Variants in MACROD2 observed in about 807,000 individuals in gnomAD.
MACROD2 encodes mono-ADP ribosylhydrolase 2.
MACROD2 carries 36 observed loss-of-function variants against 70.4 expected under a neutral mutation model. The ratio of observed to expected loss-of-function variants is 0.51; its 90% CI spans 0.39 to 0.68. The LOEUF (loss-of-function observed/expected upper bound fraction) is 0.68, where lower values mean the gene tolerates loss of function less well. Among genes scored for constraint, MACROD2 ranks in the 30% least tolerant of loss-of-function variants. The probability of loss-of-function intolerance (pLI) is 0.00; values close to 1 mark genes in which losing one functional copy is unlikely to be tolerated. For missense variants in MACROD2, 496 were observed against 538.4 expected, an observed-to-expected ratio of 0.92 and a Z score of 0.78; for synonymous variants, 172 against 178.8, an observed-to-expected ratio of 0.96 and a Z score of 0.30.
At chr20:14,548,953 T>C (rs1010415789) in intron 4 of MACROD2, among the ~76,000 whole-genome samples, 2 of 152,140 alleles carry the variant, frequency 1.3e-5, no homozygotes, top group African/African-American at 4.8e-5. Flanking sequence ...ACCTGAAGGG[T>C]GAGAGCACTG....
chr20:15,728,170 TG>T (rs1423449095), intron 8 of MACROD2, among the ~76,000 whole-genome samples: 1 of 152,200 alleles, frequency 6.6e-6, no homozygotes, highest in Admixed American at 6.5e-5. Flanking sequence ...ATGTGGTTTT[TG>T]TTTTTAGTTT....
At chr20:15,482,553 A>G (rs1208755823) in intron 7 of MACROD2, among the ~76,000 whole-genome samples, 1 of 152,188 alleles carries the variant, frequency 6.6e-6, no homozygotes, top group Non-Finnish European at 1.5e-5. Context: ...CTAACCCTTC[A>G]AAGGGGGTAA....
rs2073495269 is a variant in MACROD2, at chr20:14,872,094, CAA to C, written c.418+187136_418+187137del. 3.9e-5 allele frequency among the ~76,000 whole-genome samples: 6 copies of C among 152,158 alleles called. No homozygotes were observed. The South Asian group carries it at 1.2e-3, about 32-fold the overall frequency. On this transcript the variant is annotated intron_variant, in intron 5 of 17. Coordinates refer to ENST00000684519, the MANE Select transcript of MACROD2 (RefSeq NM_001351661.2). Reference sequence around the variant, plus strand: ...TTGTGAGACTTTAGCACTCCACTGACAATATTCGACAGATCACTGAGACAAAA... The same window carrying C: ...TTGTGAGACTTTAGCACTCCACTGACTATTCGACAGATCACTGAGACAAAA...
At chr20:15,334,962 G>C (rs910684392) in intron 6 of MACROD2, among the ~76,000 whole-genome samples, 50 of 151,830 alleles carry the variant, frequency 3.3e-4, no homozygotes, top group African/African-American at 1.2e-3. Flanking sequence ...ACGCCAGAGT[G>C]TCTTTAACCA....
chr20:15,340,506 A>G (rs1416093277), intron 6 of MACROD2, among the ~76,000 whole-genome samples: 1 of 152,072 alleles, frequency 6.6e-6, no homozygotes, highest in Non-Finnish European at 1.5e-5. Flanking sequence ...TTGATGATCA[A>G]CAGTACTCTG....
At chr20:15,233,587 A>G (rs972753377) in intron 6 of MACROD2, among the ~76,000 whole-genome samples, 18 of 151,858 alleles carry the variant, frequency 1.2e-4, no homozygotes, top group Non-Finnish European at 2.1e-4. Flanking sequence ...AACTTAGGGG[A>G]AAAAATTCAT....
intron 8 of MACROD2, among the ~76,000 whole-genome samples, chr20:15,625,198 G>A (rs748317944): frequency 6.6e-6 from 1 of 152,184 alleles, no homozygotes; most frequent in Non-Finnish European, 1.5e-5. Flanking sequence ...GGAGGAAAAT[G>A]ACAAACGTTC....
intron 5 of MACROD2, among the ~76,000 whole-genome samples, chr20:14,721,860 G>C (rs1367544516): frequency 6.6e-6 from 1 of 152,102 alleles, no homozygotes; most frequent in Non-Finnish European, 1.5e-5. Flanking sequence ...TCATTCAGCT[G>C]CTCTAACCAT....
intron 5 of MACROD2, among the ~76,000 whole-genome samples, chr20:14,786,571 A>G (rs1363858821): frequency 6.6e-6 from 1 of 150,976 alleles, no homozygotes; most frequent in Non-Finnish European, 1.5e-5. Flanking sequence ...GAAAAAAAAA[A>G]AGAGAGAGAG....
At chr20:14,893,915 G>A (rs1445345017) in intron 5 of MACROD2, 1 of 151,994 alleles carries the variant, frequency 6.6e-6, no homozygotes, top group Non-Finnish European at 1.5e-5. Flanking sequence ...CTCCCAAGTA[G>A]CTGGTACCAC....
intron 4 of MACROD2, among the ~76,000 whole-genome samples, chr20:14,502,615 G>T (rs1681763137): frequency 6.6e-6 from 1 of 152,144 alleles, no homozygotes; most frequent in South Asian, 2.1e-4. Flanking sequence ...AGATAAATGA[G>T]TATCACTCTA....
chr20:15,417,063 G>C (rs1289905197), intron 6 of MACROD2, among the ~76,000 whole-genome samples: 1 of 152,172 alleles, frequency 6.6e-6, no homozygotes, highest in East Asian at 1.9e-4. Context: ...GACGTGTCAA[G>C]ACTCTGCAGG....
chr20:15,839,323 T>A (rs1316990029), intron 8 of MACROD2, among the ~76,000 whole-genome samples: 1 of 152,156 alleles, frequency 6.6e-6, no homozygotes, highest in Non-Finnish European at 1.5e-5. Flanking sequence ...TGGCTCTGTA[T>A]GCCTATATCC....
chr20:15,385,747 A>G (rs754453752), intron 6 of MACROD2, among the ~76,000 whole-genome samples: 26 of 152,230 alleles, frequency 1.7e-4, no homozygotes, highest in Admixed American at 2.6e-4. Flanking sequence ...TCTTACTTAA[A>G]TTTGTGTCTT....
chr20:14,808,755 G>T lies in MACROD2; in HGVS notation c.418+123796G>T, dbSNP rs1406112297. On this transcript the variant is annotated intron_variant, in intron 5 of 17. Transcript: ENST00000684519. The stretch of plus-strand genomic sequence containing the variant: ...ATGGAGCAAGATTTACCAAGAAAAT[G>T]GAAAGAAAAAAAAAAAAGCAGGGGT... Among the ~76,000 whole-genome samples the T allele has an allele frequency of 2.7e-5, 4 of 147,588 alleles. 1 individual carries two copies. Among genetic ancestry groups the T allele is most frequent in the Non-Finnish European group, 6.0e-5 (4 of 67,102 alleles).
intron 7 of MACROD2, among the ~76,000 whole-genome samples, chr20:15,495,114 G>T (rs1264467237): frequency 6.6e-6 from 1 of 152,084 alleles, no homozygotes; most frequent in African/African-American, 2.4e-5. Context: ...CTCCCCTCCG[G>T]GTGGCCATTC....
chr20:14,957,817 C>T (rs953176777), intron 5 of MACROD2, among the ~76,000 whole-genome samples: 1 of 152,108 alleles, frequency 6.6e-6, no homozygotes, highest in African/African-American at 2.4e-5. Context: ...CTTAATATCT[C>T]CATCCTTGTT....
In MACROD2 at chr20:15,029,945, C is replaced by A. The variant is rs139250662; in HGVS notation, c.419-199995C>A. ...ACTCTACTAAAAATACAAAAATTAG[C>A]TGGGTGTGATGGTGCCTGCCTGTAA... On this transcript the variant is annotated intron_variant, in intron 5 of 17. Transcript: ENST00000684519. 5.0e-3 allele frequency among the ~76,000 whole-genome samples: 765 copies of A among 152,084 alleles called. 7 individuals carry two copies. The highest frequency in any genetic ancestry group is 0.038 in the South Asian group (183 of 4,808).
intron 8 of MACROD2, among the ~76,000 whole-genome samples, chr20:15,791,298 T>C (rs190681595): frequency 8.9e-4 from 135 of 152,060 alleles, no homozygotes; most frequent in African/African-American, 2.9e-3. Flanking sequence ...TTTATTTTCA[T>C]TGGGTAATAC....
Sources: allele counts gnomAD v4.1 joint callset (sites outside exome capture counted in the v4.1 genomes callset), GRCh38; gene constraint gnomAD v4.1.1; transcripts MANE v1.5; gene names NCBI Gene and HGNC (gene_info 2026-07-23, HGNC 2026-07-21).